Variants in FBXW11 observed in about 807,000 individuals in gnomAD.
FBXW11 encodes F-box/WD repeat-containing protein 11.
FBXW11 carries 19 observed loss-of-function variants against 77.6 expected under a neutral mutation model. That is an observed-to-expected ratio of 0.24 (90% CI 0.17 to 0.36). FBXW11 has a LOEUF of 0.36. Ranked by LOEUF, FBXW11 falls within the 10% of genes least tolerant of loss-of-function variation. The probability of loss-of-function intolerance (pLI) is 1.00; values close to 1 mark genes in which losing one functional copy is unlikely to be tolerated. For missense variants in FBXW11, 334 were observed against 704.2 expected (o/e 0.47, Z 5.95); for synonymous variants, 235 against 249.4 (o/e 0.94, Z 0.54).
chr5:171,937,254 T>C (rs1762527417), intron 2 of FBXW11, among the ~76,000 whole-genome samples: 1 of 151,876 alleles, frequency 6.6e-6, no homozygotes, highest in Admixed American at 6.6e-5. Flanking sequence ...CAGTAAAAAA[T>C]ACAAAAAAAG....
intron 13 of FBXW11, among the ~76,000 whole-genome samples, chr5:171,865,840 A>G (rs2113733344): frequency 6.6e-6 from 1 of 152,344 alleles, no homozygotes; most frequent in South Asian, 2.1e-4. Flanking sequence ...TGACATGGAG[A>G]GACTCTCACC....
At chr5:171,929,135 C>T (rs187988305) in intron 2 of FBXW11, among the ~76,000 whole-genome samples, 93 of 151,656 alleles carry the variant, frequency 6.1e-4, no homozygotes, top group African/African-American at 2.1e-3. Flanking sequence ...TTTAGGAGGC[C>T]AAGGTGGGTG....
At chr5:171,885,517 C>T (rs536670254) in intron 7 of FBXW11, among the ~76,000 whole-genome samples, 159 of 152,316 alleles carry the variant, frequency 1.0e-3, no homozygotes, top group African/African-American at 3.7e-3. Context: ...CTCCTGTGAC[C>T]TCACTTCTCT....
intron 1 of FBXW11, among the ~76,000 whole-genome samples, chr5:172,000,645 G>C (rs764157396): frequency 3.6e-4 from 55 of 152,298 alleles, no homozygotes; most frequent in Middle Eastern, 6.8e-3. Flanking sequence ...TACTTGTGGG[G>C]AAAGTTAGTA....
chr5:171,868,413 C>CA (rs1757550103), intron 13 of FBXW11, among the ~76,000 whole-genome samples, 197 bp downstream of exon 13: 1 of 152,102 alleles, frequency 6.6e-6, no homozygotes, highest in South Asian at 2.1e-4. Flanking sequence ...AAAACCCACA[C>CA]AATAGGCAGG....
intron 1 of FBXW11, among the ~76,000 whole-genome samples, chr5:171,981,918 C>G (rs959802476): frequency 6.6e-6 from 1 of 152,184 alleles, no homozygotes; most frequent in African/African-American, 2.4e-5. Flanking sequence ...TAATAGAGTG[C>G]ATACAGTATG....
intron 2 of FBXW11, among the ~76,000 whole-genome samples, chr5:171,919,827 T>G (rs1761476697): frequency 2.0e-5 from 3 of 152,154 alleles, no homozygotes; most frequent in Admixed American, 1.3e-4. Flanking sequence ...ATGAAGATCC[T>G]AATCTTGTTT....
chr5:171,975,170 A>C (rs1764759522), intron 1 of FBXW11, among the ~76,000 whole-genome samples: 3 of 152,228 alleles, frequency 2.0e-5, no homozygotes. Flanking sequence ...AAGACCTGCT[A>C]TATTAAAAGA....
intron 1 of FBXW11, 32 bp downstream of exon 1, chr5:172,006,426 G>A (rs1265565335): frequency 5.3e-6 from 8 of 1,522,608 alleles, no homozygotes; most frequent in Non-Finnish European, 7.1e-6. Flanking sequence ...CGGACGGACG[G>A]AAGCACAGAC....
At chr5:171,902,192 C>A (rs1422614694) in intron 4 of FBXW11, among the ~76,000 whole-genome samples, 2 of 152,184 alleles carry the variant, frequency 1.3e-5, no homozygotes. Flanking sequence ...CTATTTACAT[C>A]ATTCTTCAGA....
chr5:171,993,748 T>C (rs1007229665), intron 1 of FBXW11, among the ~76,000 whole-genome samples: 7 of 152,224 alleles, frequency 4.6e-5, no homozygotes, highest in Non-Finnish European at 7.3e-5. Context: ...GATAAGGGGA[T>C]GTCTAGGCAT....
intron 2 of FBXW11, among the ~76,000 whole-genome samples, chr5:171,952,237 G>T (rs1763356993): frequency 6.6e-6 from 1 of 151,020 alleles, no homozygotes; most frequent in Non-Finnish European, 1.5e-5. Flanking sequence ...AGGAAGTAAG[G>T]CCCTAAAATA....
At chr5:171,926,752 A>T (rs1761912164) in intron 2 of FBXW11, among the ~76,000 whole-genome samples, 1 of 152,234 alleles carries the variant, frequency 6.6e-6, no homozygotes, top group Non-Finnish European at 1.5e-5. Flanking sequence ...GCAGTGTGAG[A>T]ACAGACTAAT....
chr5:171,868,840 C>T lies in FBXW11; in HGVS notation c.1531-44G>A, dbSNP rs369700717. On this transcript the variant is annotated intron_variant, in intron 12 of 13. Transcript: ENST00000517395. ...CATGAATAAAATGAGATCTTTACAG[C>T]CCCTGATATCTCACAATGAGAAACT... is the stretch of plus-strand genomic sequence containing the variant. 1.1e-5 allele frequency: 17 copies of T among 1,550,122 alleles called. No individual in the cohort carries two copies. In the African/African-American group the frequency reaches 1.7e-4, roughly 15 times the overall value.
chr5:171,983,333 A>G (rs974734698), intron 1 of FBXW11, among the ~76,000 whole-genome samples: 5 of 152,172 alleles, frequency 3.3e-5, no homozygotes, highest in Admixed American at 2.6e-4. Context: ...TATCCTTTGT[A>G]ATAATATCCT....
intron 2 of FBXW11, among the ~76,000 whole-genome samples, chr5:171,932,427 T>C (rs1762257497): frequency 6.6e-6 from 1 of 152,116 alleles, no homozygotes; most frequent in South Asian, 2.1e-4. Flanking sequence ...CTATAGGAAC[T>C]CTCATTCATT....
At chr5:171,957,879 T>C (rs180929159) in intron 1 of FBXW11, among the ~76,000 whole-genome samples, 181 bp from the exon 2 acceptor site, 6 of 152,344 alleles carry the variant, frequency 3.9e-5, no homozygotes, top group African/African-American at 7.2e-5. Context: ...TGATGTTCTA[T>C]GGAAAGGAGG....
chr5:171,995,788 A>G (rs984120434), intron 1 of FBXW11, among the ~76,000 whole-genome samples: 35 of 152,134 alleles, frequency 2.3e-4, no homozygotes, highest in African/African-American at 8.4e-4. Flanking sequence ...TTAAAATACC[A>G]TGCCAAACAA....
intron 2 of FBXW11, among the ~76,000 whole-genome samples, chr5:171,933,025 T>C (rs1354960473): frequency 7.0e-6 from 1 of 142,990 alleles, no homozygotes; most frequent in Non-Finnish European, 1.5e-5. Context: ...CAGCTACTTG[T>C]GAGGCTGAGG....
Sources: gnomAD v4.1 joint callset for allele counts (sites outside exome capture counted in the v4.1 genomes callset) on GRCh38, gnomAD v4.1.1 for gene constraint, MANE v1.5 for transcripts, NCBI Gene and HGNC (gene_info 2026-07-23, HGNC 2026-07-21) for gene names.